Variants in GPM6A observed in about 807,000 individuals in gnomAD.
The protein encoded by GPM6A is glycoprotein M6A.
GPM6A carries 7 observed loss-of-function variants against 32.1 expected under a neutral mutation model. That is an observed-to-expected ratio of 0.22 (90% CI 0.12 to 0.41). The LOEUF is 0.41. GPM6A is among the 10% of genes least tolerant of loss of function. The probability of loss-of-function intolerance (pLI) is 1.00; values close to 1 mark genes in which losing one functional copy is unlikely to be tolerated. For synonymous variants in GPM6A, 130 were observed against 123.4 expected (o/e 1.05, Z -0.35); for missense variants, 235 against 347.2 (o/e 0.68, Z 2.57).
chr4:175,818,794 G>A (rs949382455), intron 1 of GPM6A, among the ~76,000 whole-genome samples: 1 of 152,120 alleles, frequency 6.6e-6, no homozygotes, highest in Non-Finnish European at 1.5e-5. Flanking sequence ...AGCAGTTGAA[G>A]GCAAAACGAT....
chr4:175,640,835 A>G lies in GPM6A; in HGVS notation c.542-6T>C. On this transcript the variant is annotated splice_polypyrimidine_tract_variant and splice_region_variant and intron_variant, in intron 4 of 6. Transcript: ENST00000393658. The stretch of plus-strand genomic sequence containing the variant: ...CTCTCCAATTGTCACAATTCCTACA[A>G]TGTGTGGGAAATGACAGTTTAGCAG... The G allele has an allele frequency of 6.5e-7, 1 of 1,550,050 alleles. No individual in the cohort carries two copies. The highest frequency in any genetic ancestry group is 8.9e-7 in the Non-Finnish European group (1 of 1,122,220).
At chr4:175,701,829 C>T (rs1744898075) in intron 1 of GPM6A, 62 bp from the exon 2 acceptor site, 1 of 1,151,554 alleles carries the variant, frequency 8.7e-7, no homozygotes, top group Non-Finnish European at 1.3e-6. Flanking sequence ...TTTTTTTTTT[C>T]AAACTTCAGC....
intron 1 of GPM6A, among the ~76,000 whole-genome samples, chr4:175,725,620 T>C (rs1746365950): frequency 6.6e-6 from 1 of 152,152 alleles, no homozygotes; most frequent in Non-Finnish European, 1.5e-5. Flanking sequence ...TGAGGAGTGT[T>C]ATATTAGTGT....
intron 1 of GPM6A, among the ~76,000 whole-genome samples, chr4:175,868,373 C>A (rs1199013609): frequency 6.6e-6 from 1 of 152,080 alleles, no homozygotes; most frequent in East Asian, 1.9e-4. Context: ...AGTGAAACAC[C>A]CTTTGTCAGT....
At chr4:175,840,814 A>G (rs1735912115) in intron 1 of GPM6A, among the ~76,000 whole-genome samples, 1 of 152,216 alleles carries the variant, frequency 6.6e-6, no homozygotes, top group African/African-American at 2.4e-5. Context: ...AAAAGTTTTA[A>G]TGCACTTGAA....
chr4:175,640,355 T>C (rs1382156521), intron 5 of GPM6A, among the ~76,000 whole-genome samples, 161 bp from the exon 6 acceptor site: 1 of 152,206 alleles, frequency 6.6e-6, no homozygotes, highest in African/African-American at 2.4e-5. Context: ...CAATATATTT[T>C]CCCCTGCAAA....
upstream of GPM6A, chr4:175,812,856 G>A (rs934936755): frequency 1.0e-6 from 1 of 985,172 alleles, no homozygotes; most frequent in Non-Finnish European, 1.2e-6. Flanking sequence ...TCCTCACTAA[G>A]TATTTAGTTA....
chr4:175,723,204 G>C (rs1231503793), intron 1 of GPM6A, among the ~76,000 whole-genome samples: 2 of 152,064 alleles, frequency 1.3e-5, no homozygotes, highest in African/African-American at 4.8e-5. Flanking sequence ...GGAGTAATTT[G>C]TAATTATGAC....
At chr4:175,764,516 T>G (rs1423667093) in intron 1 of GPM6A, among the ~76,000 whole-genome samples, 1 of 152,126 alleles carries the variant, frequency 6.6e-6, no homozygotes, top group Non-Finnish European at 1.5e-5. Flanking sequence ...AGGCTTCTTT[T>G]CCAAATAAAA....
intron 5 of GPM6A, 97 bp from the exon 6 acceptor site, chr4:175,640,291 TTAAA>T: frequency 1.1e-6 from 1 of 929,908 alleles, no homozygotes; most frequent in Non-Finnish European, 1.7e-6. Context: ...TTTGTACATC[TTAAA>T]TAAAAGCGAG....
At chr4:175,644,322 A>G (rs996814341) in intron 4 of GPM6A, among the ~76,000 whole-genome samples, 1 of 151,700 alleles carries the variant, frequency 6.6e-6, no homozygotes, top group African/African-American at 2.4e-5. Context: ...TATGCCCCTC[A>G]GTTGAATTCT....
Position 175,640,774 on chromosome 4 carries a change from C to G in GPM6A, c.597G>C (p.Leu199Phe). ...TCACCTCAGTAGATTCGCACATCCT[C>G]AAGAAATTCTCAGAGACAGTACAAA... Reference protein sequence around the residue: ...KKICTVSENFLRMCESTELNM... With the variant: ...KKICTVSENFFRMCESTELNM... Residue 199 changes from leucine to phenylalanine, a missense_variant, in exon 5 of 7, where the codon TTG becomes TTC. By Grantham distance (22) the Leu-to-Phe change is conservative (BLOSUM62 0). Transcript: ENST00000393658. 2 of 1,609,428 alleles carry G rather than the reference C, an allele frequency of 1.2e-6. No individual in the cohort carries two copies. The highest frequency in any genetic ancestry group is 1.7e-6 in the Non-Finnish European group (2 of 1,176,270).
intron 1 of GPM6A, among the ~76,000 whole-genome samples, chr4:175,803,460 A>G (rs1481176667): frequency 1.3e-5 from 2 of 152,148 alleles, no homozygotes; most frequent in Non-Finnish European, 2.9e-5. Flanking sequence ...CACCTTTTTA[A>G]ATGGGCACAG....
chr4:175,914,749 A>G (rs1178667712), intron 1 of GPM6A, among the ~76,000 whole-genome samples: 1 of 152,042 alleles, frequency 6.6e-6, no homozygotes, highest in African/African-American at 2.4e-5. Flanking sequence ...AGGGGGGGCC[A>G]CTTGGGGAGA....
chr4:175,688,352 T>C (rs1744109553), intron 2 of GPM6A, among the ~76,000 whole-genome samples: 1 of 152,238 alleles, frequency 6.6e-6, no homozygotes, highest in Non-Finnish European at 1.5e-5. Flanking sequence ...TAAAGTTTAA[T>C]TCATTTTGAG....
Position 175,836,504 on chromosome 4 carries a change from T to TA in GPM6A, c.-22-24256dup, listed in dbSNP as rs1481086288. ...TAGTGGTATGTTCTGAAGAGATAAA[T>TA]AAAAAACCATAGAGGAAAAGTATAA... is the stretch of plus-strand genomic sequence containing the variant. On this transcript the variant is annotated intron_variant, in intron 1 of 7. Coordinates refer to the GPM6A transcript ENST00000280187. Among the ~76,000 whole-genome samples the TA allele has an allele frequency of 4.6e-5, 7 of 152,074 alleles. 1 individual carries two copies. The highest frequency in any genetic ancestry group is 4.6e-4 in the Admixed American group (7 of 15,272).
intron 1 of GPM6A, among the ~76,000 whole-genome samples, chr4:175,958,780 T>TA (rs1220329317): frequency 6.6e-6 from 1 of 152,228 alleles, no homozygotes; most frequent in East Asian, 1.9e-4. Flanking sequence ...TAGTTTACAC[T>TA]AAAAGAAACC....
At chr4:175,688,423 C>A (rs532102271) in intron 2 of GPM6A, among the ~76,000 whole-genome samples, 5 of 150,672 alleles carry the variant, frequency 3.3e-5, no homozygotes, top group Admixed American at 2.0e-4. Context: ...TGTGGAGATC[C>A]GGTTTTTCCA....
At chr4:175,791,594 C>T (rs1579505112) in intron 1 of GPM6A, among the ~76,000 whole-genome samples, 1 of 152,128 alleles carries the variant, frequency 6.6e-6, no homozygotes, top group Admixed American at 6.5e-5. Context: ...AAATTGACTG[C>T]AGTCATCATC....
Sources: gnomAD v4.1 joint callset for allele counts (sites outside exome capture counted in the v4.1 genomes callset) on GRCh38, gnomAD v4.1.1 for gene constraint, MANE v1.5 for transcripts, NCBI Gene and HGNC (gene_info 2026-07-23, HGNC 2026-07-21) for gene names.